Variants in ATXN1 observed in about 807,000 individuals in gnomAD.
ATXN1 encodes ataxin-1.
A neutral mutation model predicts 56.4 loss-of-function variants in ATXN1; 8 were observed. The observed-to-expected ratio is 0.14, with a 90% confidence interval of 0.08 to 0.26. ATXN1 has a LOEUF of 0.26. ATXN1 is among the 10% of genes least tolerant of loss of function. The pLI is 1.00. For missense variants in ATXN1, 987 were observed against 1,106.5 expected, an observed-to-expected ratio of 0.89 and a Z score of 1.53; for synonymous variants, 514 against 494.6, an observed-to-expected ratio of 1.04 and a Z score of -0.52.
At chr6:16,387,392 A>G (rs1303122506) in intron 6 of ATXN1, among the ~76,000 whole-genome samples, 1 of 152,210 alleles carries the variant, frequency 6.6e-6, no homozygotes, top group African/African-American at 2.4e-5. Context: ...TTCTTCACTG[A>G]AAGTTCACTG....
At chr6:16,320,867 G>A (rs904554485) in intron 7 of ATXN1, among the ~76,000 whole-genome samples, 4 of 152,162 alleles carry the variant, frequency 2.6e-5, no homozygotes, top group South Asian at 2.1e-4. Flanking sequence ...GGCCACTCGC[G>A]GGATTCCACC....
At chr6:16,651,164 GC>G (rs1427976870) in intron 3 of ATXN1, among the ~76,000 whole-genome samples, 1 of 152,190 alleles carries the variant, frequency 6.6e-6, no homozygotes, top group Non-Finnish European at 1.5e-5. Flanking sequence ...GGAAGCCACT[GC>G]AGCAGTCCAG....
chr6:16,441,790 A>G (rs1241521358), intron 6 of ATXN1, among the ~76,000 whole-genome samples: 1 of 152,178 alleles, frequency 6.6e-6, no homozygotes, highest in Non-Finnish European at 1.5e-5. Flanking sequence ...ATCTTTGAGG[A>G]GTGCTAAAAA....
intron 6 of ATXN1, among the ~76,000 whole-genome samples, chr6:16,443,233 A>AC (rs1366013819): frequency 1.4e-5 from 2 of 138,820 alleles, no homozygotes; most frequent in South Asian, 2.3e-4. Context: ...AAAAAAAAAA[A>AC]CCTACCTAAA....
intron 3 of ATXN1, among the ~76,000 whole-genome samples, chr6:16,651,484 C>T (rs1306052825): frequency 1.3e-5 from 2 of 149,448 alleles, no homozygotes; most frequent in African/African-American, 5.0e-5. Context: ...GCAGAGGTTG[C>T]AGTAAGCTGA....
intron 2 of ATXN1, among the ~76,000 whole-genome samples, chr6:16,733,415 T>C (rs1232150759): frequency 1.1e-4 from 16 of 151,844 alleles, no homozygotes; most frequent in Non-Finnish European, 5.9e-5. Context: ...TTTTAAAAAT[T>C]AGTTGGGTGT....
At chr6:16,565,268 A>T (rs1271105106) in intron 4 of ATXN1, among the ~76,000 whole-genome samples, 5 of 152,194 alleles carry the variant, frequency 3.3e-5, no homozygotes, top group Admixed American at 3.3e-4. Context: ...CACCATAAGG[A>T]CAGGGTCCCT....
intron 2 of ATXN1, among the ~76,000 whole-genome samples, chr6:16,707,133 G>A (rs906105733): frequency 2.6e-5 from 4 of 151,708 alleles, no homozygotes; most frequent in African/African-American, 9.7e-5. Context: ...CATTCATACA[G>A]TCAGCACTTG....
chr6:16,359,343 C>A (rs890653253), intron 6 of ATXN1, among the ~76,000 whole-genome samples: 4 of 152,154 alleles, frequency 2.6e-5, no homozygotes, highest in African/African-American at 7.2e-5. Flanking sequence ...GCACATACTT[C>A]CTCCCCTCTG....
At chr6:16,673,734 C>T (rs540875899) in intron 2 of ATXN1, among the ~76,000 whole-genome samples, 4 of 152,214 alleles carry the variant, frequency 2.6e-5, no homozygotes, top group African/African-American at 9.6e-5. Flanking sequence ...TCACTGCAGC[C>T]TCAAACTCCT....
intron 3 of ATXN1, among the ~76,000 whole-genome samples, chr6:16,586,424 T>G (rs778411205): frequency 6.6e-6 from 1 of 152,214 alleles, no homozygotes; most frequent in Non-Finnish European, 1.5e-5. Flanking sequence ...TGTTAATAAC[T>G]CAGTTAAGAC....
chr6:16,438,356 A>G (rs185266560), intron 6 of ATXN1, among the ~76,000 whole-genome samples: 1 of 152,362 alleles, frequency 6.6e-6, no homozygotes, highest in Admixed American at 6.5e-5. Flanking sequence ...TTGACTTTTT[A>G]GCAGAAATAA....
intron 6 of ATXN1, among the ~76,000 whole-genome samples, chr6:16,448,771 C>A (rs185203633): frequency 6.6e-6 from 1 of 152,208 alleles, no homozygotes; most frequent in African/African-American, 2.4e-5. Context: ...AAGAGGAAAG[C>A]CTACATCAGA....
intron 6 of ATXN1, among the ~76,000 whole-genome samples, chr6:16,436,872 A>T (rs901146920): frequency 2.0e-5 from 3 of 152,082 alleles, no homozygotes; most frequent in Admixed American, 2.0e-4. Context: ...CATGGAGGAG[A>T]TATTCTGAGA....
At chr6:16,444,281 G>A (rs1264024862) in intron 6 of ATXN1, among the ~76,000 whole-genome samples, 1 of 152,116 alleles carries the variant, frequency 6.6e-6, no homozygotes, top group Non-Finnish European at 1.5e-5. Flanking sequence ...ATTTCTCACT[G>A]AAAGAAACCA....
intron 1 of ATXN1, among the ~76,000 whole-genome samples, chr6:16,759,541 T>TTTTG (rs1760998162): frequency 6.9e-6 from 1 of 145,508 alleles, no homozygotes; most frequent in Admixed American, 6.8e-5. Flanking sequence ...TTTTTTTTTT[T>TTTTG]TTTTTTTTTT....
intron 2 of ATXN1, among the ~76,000 whole-genome samples, chr6:16,721,592 AC>A: frequency 6.6e-6 from 1 of 152,272 alleles, no homozygotes; most frequent in East Asian, 1.9e-4. Flanking sequence ...ATGCCACTGC[AC>A]TCCAGCCAGG....
chr6:16,617,903 T>A (rs1763248816), intron 3 of ATXN1, among the ~76,000 whole-genome samples: 1 of 151,980 alleles, frequency 6.6e-6, no homozygotes, highest in Admixed American at 6.6e-5. Context: ...GATCTAATAT[T>A]TGACAAAAGT....
At chr6:16,393,925 T>C (rs1382855380) in intron 6 of ATXN1, among the ~76,000 whole-genome samples, 1 of 151,090 alleles carries the variant, frequency 6.6e-6, no homozygotes, top group East Asian at 1.9e-4. Context: ...TTTTTTGTAA[T>C]TCGTGCCTCC....
Sources: allele counts gnomAD v4.1 joint callset (sites outside exome capture counted in the v4.1 genomes callset), GRCh38; gene constraint gnomAD v4.1.1; transcripts MANE v1.5; gene names NCBI Gene and HGNC (gene_info 2026-07-23, HGNC 2026-07-21).